Variants in RALB observed in about 807,000 individuals in gnomAD.
The protein encoded by RALB is RAS like proto-oncogene B.
A neutral mutation model predicts 21.3 loss-of-function variants in RALB; 16 were observed. The observed-to-expected ratio is 0.75, with a 90% confidence interval of 0.51 to 1.14. The LOEUF is 1.14. Among genes scored for constraint, RALB ranks in the 50% most tolerant of loss-of-function variants. The pLI is 0.00. For synonymous variants in RALB, 93 were observed against 96.1 expected (o/e 0.97, Z 0.19); for missense variants, 161 against 256.2 (o/e 0.63, Z 2.54).
intron 2 of RALB, among the ~76,000 whole-genome samples, chr2:120,284,347 C>T (rs1262472315): frequency 6.6e-6 from 1 of 152,040 alleles, no homozygotes; most frequent in African/African-American, 2.4e-5. Flanking sequence ...AATTTTAAAT[C>T]ACAGCCTTAT....
At chr2:120,254,118 A>G (rs1689133745) in intron 1 of RALB, among the ~76,000 whole-genome samples, 1 of 152,176 alleles carries the variant, frequency 6.6e-6, no homozygotes, top group African/African-American at 2.4e-5. Flanking sequence ...TATTGGGAAA[A>G]ACAGGAGGGG....
upstream of RALB, among the ~76,000 whole-genome samples, chr2:120,251,442 T>G (rs1291983667): frequency 6.6e-6 from 1 of 152,176 alleles, no homozygotes; most frequent in African/African-American, 2.4e-5. Context: ...TGCATGTACA[T>G]CTTCTTACCT....
chr2:120,250,811 C>T (rs1193248972), upstream of RALB, among the ~76,000 whole-genome samples: 2 of 152,162 alleles, frequency 1.3e-5, no homozygotes, highest in Non-Finnish European at 2.9e-5. Context: ...CGTTGGGACA[C>T]GTTTCCCCTA....
intron 1 of RALB, among the ~76,000 whole-genome samples, chr2:120,242,321 T>C (rs997104999): frequency 6.6e-6 from 1 of 152,204 alleles, no homozygotes; most frequent in African/African-American, 2.4e-5. Flanking sequence ...TGGATGGTGA[T>C]GATGGCTGCA....
At chr2:120,279,261 C>A (rs986486249) in intron 2 of RALB, among the ~76,000 whole-genome samples, 3 of 152,130 alleles carry the variant, frequency 2.0e-5, no homozygotes, top group Non-Finnish European at 4.4e-5. Flanking sequence ...AAATTTACGT[C>A]ACCTACTTAA....
chr2:120,276,383 A>C (rs184713370), intron 1 of RALB, among the ~76,000 whole-genome samples: 91 of 152,214 alleles, frequency 6.0e-4, no homozygotes, highest in Non-Finnish European at 1.1e-3. Flanking sequence ...GGGGTGGATC[A>C]CTTGAGATCA....
At chr2:120,284,793 C>A (rs886189532) in intron 2 of RALB, among the ~76,000 whole-genome samples, 1 of 152,148 alleles carries the variant, frequency 6.6e-6, no homozygotes, top group African/African-American at 2.4e-5. Context: ...GTTATTGCTT[C>A]CCCGTCCCAC....
chr2:120,264,260 C>G (rs186949912), intron 1 of RALB, among the ~76,000 whole-genome samples: 1 of 152,062 alleles, frequency 6.6e-6, no homozygotes, highest in Non-Finnish European at 1.5e-5. Context: ...AAGCAATTCT[C>G]CCTGCCTCAG....
intron 2 of RALB, among the ~76,000 whole-genome samples, chr2:120,282,642 T>G (rs546469569): frequency 6.6e-6 from 1 of 152,130 alleles, no homozygotes; most frequent in African/African-American, 2.4e-5. Flanking sequence ...TTCTGTTCTC[T>G]TCACAGAGAC....
At chr2:120,245,375 C>T (rs771026435) in intron 1 of RALB, among the ~76,000 whole-genome samples, 9 of 152,244 alleles carry the variant, frequency 5.9e-5, no homozygotes, top group Non-Finnish European at 1.0e-4. Flanking sequence ...TCACAGCTCC[C>T]TCTCAGGCTG....
intron 1 of RALB, among the ~76,000 whole-genome samples, chr2:120,267,095 T>C (rs1689522714): frequency 6.6e-6 from 1 of 152,210 alleles, no homozygotes; most frequent in Admixed American, 6.5e-5. Flanking sequence ...GAATAGCATG[T>C]GCACAGAGGT....
chr2:120,260,474 C>T (rs900869126), intron 1 of RALB, among the ~76,000 whole-genome samples: 4 of 152,248 alleles, frequency 2.6e-5, no homozygotes, highest in East Asian at 1.9e-4. Context: ...GCCAGGAGAG[C>T]GGTCAGGGCT....
At chr2:120,290,632 C>CTTTT (rs34133052) in intron 4 of RALB, among the ~76,000 whole-genome samples, 7,133 of 148,428 alleles carry the variant, frequency 0.048, 503 homozygotes, top group African/African-American at 0.15. Context: ...TCTGGGATCT[C>CTTTT]TTTTTTTTTT....
At chr2:120,250,504 C>A (rs1429395286), upstream of RALB, among the ~76,000 whole-genome samples, 1 of 152,224 alleles carries the variant, frequency 6.6e-6, no homozygotes, top group Non-Finnish European at 1.5e-5. Flanking sequence ...TAGGAAGTTT[C>A]CAGTGCTCAC....
At chr2:120,245,155 T>G (rs936409597) in intron 1 of RALB, among the ~76,000 whole-genome samples, 3 of 152,138 alleles carry the variant, frequency 2.0e-5, no homozygotes, top group African/African-American at 7.2e-5. Context: ...ACTTTATAGA[T>G]GAGAACACAA....
At chr2:120,247,217 T>A (rs1325964546) in intron 1 of RALB, among the ~76,000 whole-genome samples, 1 of 152,206 alleles carries the variant, frequency 6.6e-6, no homozygotes, top group Non-Finnish European at 1.5e-5. Context: ...GGAAGGCGTA[T>A]GTCTCAGTTA....
At chr2:120,245,636 C>A (rs1688958241) in intron 1 of RALB, among the ~76,000 whole-genome samples, 1 of 152,136 alleles carries the variant, frequency 6.6e-6, no homozygotes, top group Non-Finnish European at 1.5e-5. Context: ...TGTACAGCTG[C>A]CTGGAGAGCT....
At chr2:120,281,424 C>T (rs1296548840) in intron 2 of RALB, among the ~76,000 whole-genome samples, 1 of 152,220 alleles carries the variant, frequency 6.6e-6, no homozygotes, top group Non-Finnish European at 1.5e-5. Flanking sequence ...GAGTACTCAT[C>T]TTTAAAACTT....
Position 120,269,407 on chromosome 2 carries a change from G to A in RALB, c.-47-9211G>A, listed in dbSNP as rs1035273743. 2.0e-5 allele frequency among the ~76,000 whole-genome samples: 3 copies of A among 152,336 alleles called. No homozygotes were observed. The South Asian group carries it at 6.2e-4, about 32-fold the overall frequency. Reference sequence around the variant, plus strand: ...ACAAAGCTTCCACAGCGTGGAAGGTGACCTGAGCAGGTTGCTGCTGCTGGC... The same window carrying A: ...ACAAAGCTTCCACAGCGTGGAAGGTAACCTGAGCAGGTTGCTGCTGCTGGC... On this transcript the variant is annotated intron_variant, in intron 1 of 4. Transcript: ENST00000272519.
Sources: gnomAD v4.1 joint callset for allele counts (sites outside exome capture counted in the v4.1 genomes callset) on GRCh38, gnomAD v4.1.1 for gene constraint, MANE v1.5 for transcripts, NCBI Gene and HGNC (gene_info 2026-07-23, HGNC 2026-07-21) for gene names.